HSPA12A: variants seen among roughly 807,000 people sequenced by gnomAD.
HSPA12A encodes the protein heat shock 70 kDa protein 12A.
In HSPA12A, 28 loss-of-function variants were observed where a neutral mutation model predicts 69.2. The ratio of observed to expected loss-of-function variants is 0.40; its 90% confidence interval spans 0.30 to 0.55. The LOEUF (loss-of-function observed/expected upper bound fraction) is 0.55. Among genes scored for constraint, HSPA12A ranks in the 20% least tolerant of loss-of-function variants. HSPA12A has a pLI of 0.38. For synonymous variants in HSPA12A, 345 were observed against 370.5 expected, an observed-to-expected ratio of 0.93 and a Z score of 0.79; for missense variants, 686 against 900.7, an observed-to-expected ratio of 0.76 and a Z score of 3.05.
chr10:116,735,869 C>A (rs1851301353), intron 1 of HSPA12A, among the ~76,000 whole-genome samples: 1 of 150,498 alleles, frequency 6.6e-6, no homozygotes, highest in Non-Finnish European at 1.5e-5. Context: ...TGGAGATGTG[C>A]ACCTTTAGTC....
chr10:116,754,004 G>T (rs1202747235), intron 2 of HSPA12A, among the ~76,000 whole-genome samples: 3 of 152,220 alleles, frequency 2.0e-5, no homozygotes, highest in African/African-American at 7.2e-5. Context: ...TCATGCCAGG[G>T]CAGGAGCAGC....
chr10:116,718,916 G>A (rs1005349219), intron 1 of HSPA12A, among the ~76,000 whole-genome samples: 2 of 152,022 alleles, frequency 1.3e-5, no homozygotes, highest in African/African-American at 2.4e-5. Flanking sequence ...GGTGTGGGGT[G>A]AGAACTAGAA....
chr10:116,771,309 G>A (rs1161985186), intron 2 of HSPA12A, among the ~76,000 whole-genome samples: 1 of 152,252 alleles, frequency 6.6e-6, no homozygotes, highest in Non-Finnish European at 1.5e-5. Context: ...AGCAGCCGCT[G>A]GCTGTGGAGG....
intron 1 of HSPA12A, among the ~76,000 whole-genome samples, chr10:116,716,429 G>A (rs938246827): frequency 4.8e-5 from 7 of 146,524 alleles, no homozygotes; most frequent in East Asian, 2.2e-4. Context: ...GAGTCCTCCC[G>A]AAAGGCAGGT....
intron 9 of HSPA12A, among the ~76,000 whole-genome samples, chr10:116,680,116 G>A (rs1306675498): frequency 6.6e-6 from 1 of 151,980 alleles, no homozygotes; most frequent in Non-Finnish European, 1.5e-5. Flanking sequence ...TCAGCCTCCC[G>A]AGTAGCTGAG....
At chr10:116,707,579 G>A (rs550007374) in intron 1 of HSPA12A, among the ~76,000 whole-genome samples, 4 of 152,342 alleles carry the variant, frequency 2.6e-5, no homozygotes, top group South Asian at 2.1e-4. Context: ...GTCAGTCCCC[G>A]AAAGCTCCGC....
intron 4 of HSPA12A, 30 bp downstream of exon 4, chr10:116,700,913 G>T (rs533747145): frequency 1.4e-5 from 23 of 1,605,440 alleles, no homozygotes; most frequent in Non-Finnish European, 1.8e-5. Context: ...CATTGCGGGG[G>T]ACCTGGGCCC....
At chr10:116,773,914 A>C (rs546240694) in intron 2 of HSPA12A, among the ~76,000 whole-genome samples, 3 of 152,260 alleles carry the variant, frequency 2.0e-5, no homozygotes, top group Non-Finnish European at 2.9e-5. Flanking sequence ...TAACTATGCC[A>C]CCATTCAGCT....
chr10:116,749,197 G>A (rs1554888075), intron 2 of HSPA12A, among the ~76,000 whole-genome samples: 1 of 152,198 alleles, frequency 6.6e-6, no homozygotes, highest in Non-Finnish European at 1.5e-5. Context: ...CCATAGCCCA[G>A]TGCCGAATGA....
At chr10:116,697,158 C>G (rs1201659178) in intron 5 of HSPA12A, among the ~76,000 whole-genome samples, 2 of 152,158 alleles carry the variant, frequency 1.3e-5, no homozygotes, top group Non-Finnish European at 2.9e-5. Flanking sequence ...TCTTTGTCTC[C>G]CTCTGACCCT....
intron 1 of HSPA12A, among the ~76,000 whole-genome samples, chr10:116,716,366 TG>T (rs1464185252): frequency 6.7e-6 from 1 of 150,194 alleles, no homozygotes; most frequent in Admixed American, 6.7e-5. Context: ...ACAGGAATGG[TG>T]AGCTGAAATG....
intron 2 of HSPA12A, among the ~76,000 whole-genome samples, chr10:116,814,530 G>A (rs1463716835): frequency 1.1e-4 from 17 of 152,194 alleles, no homozygotes; most frequent in Non-Finnish European, 4.4e-5. Flanking sequence ...CCAATAATGG[G>A]TTTGAACATT....
chr10:116,687,233 C>T (rs1554879645), intron 6 of HSPA12A, among the ~76,000 whole-genome samples: 1 of 152,184 alleles, frequency 6.6e-6, no homozygotes, highest in Non-Finnish European at 1.5e-5. Context: ...ACAGCAAAAG[C>T]TTTGGCCTGT....
At chr10:116,676,812 C>T (rs1849251619) in intron 10 of HSPA12A, among the ~76,000 whole-genome samples, 1 of 152,210 alleles carries the variant, frequency 6.6e-6, no homozygotes, top group Non-Finnish European at 1.5e-5. Flanking sequence ...TTCGCAGGAC[C>T]ACACTTTGAA....
At chr10:116,850,042 T>G, upstream of HSPA12A, 47 of 498,982 alleles carry the variant, frequency 9.4e-5, no homozygotes, top group Middle Eastern at 3.0e-4. Flanking sequence ...TCTCCGTTTG[T>G]GGGCCGGCCC....
chr10:116,684,055 C>T (rs1333356312), intron 6 of HSPA12A, 93 bp from the exon 7 acceptor site: 46 of 1,059,178 alleles, frequency 4.3e-5, no homozygotes, highest in South Asian at 2.5e-4. Context: ...CTAAGGAGGG[C>T]GCACTCGTGC....
In HSPA12A at chr10:116,676,517, C is replaced by T. The variant is rs1554877736; in HGVS notation, c.1287-15G>A. 1.9e-6 allele frequency: 3 copies of T among 1,601,744 alleles called. No homozygotes were observed. The highest frequency in any genetic ancestry group is 4.5e-5 in the East Asian group (2 of 44,790). ...CAAAATCCACACTGCAGGAGCATAG[C>T]ATGGAGAAGAGCAGGCAGTGAGGGT... On this transcript the variant is annotated splice_polypyrimidine_tract_variant and intron_variant, in intron 10 of 11. Coordinates refer to ENST00000369209, the MANE Select transcript of HSPA12A (RefSeq NM_025015.3).
chr10:116,710,256 C>T lies in HSPA12A; in HGVS notation c.41-2971G>A, dbSNP rs1228079113. The stretch of plus-strand genomic sequence containing the variant: ...TACCTGGAAGGCCTGCGCCATGTGT[C>T]CACATTTGCACAGACGGTCCTGAAA... On this transcript the variant is annotated intron_variant, in intron 1 of 11. Transcript: ENST00000369209. The surrounding 1 kb of genome is among the most constrained non-coding windows in gnomAD (Gnocchi z 4.1). 6.6e-6 allele frequency among the ~76,000 whole-genome samples: 1 copy of T among 152,222 alleles called. No homozygotes were observed. Among genetic ancestry groups the T allele is most frequent in the African/African-American group, 2.4e-5 (1 of 41,470 alleles).
At chr10:116,820,802 C>T (rs1845398667) in intron 2 of HSPA12A, among the ~76,000 whole-genome samples, 1 of 152,060 alleles carries the variant, frequency 6.6e-6, no homozygotes, top group African/African-American at 2.4e-5. Flanking sequence ...CACTTGCAGT[C>T]TAACAGGTAA....
Sources: gnomAD v4.1 joint callset for allele counts (sites outside exome capture counted in the v4.1 genomes callset) on GRCh38, gnomAD v4.1.1 for gene constraint, Gnocchi (gnomAD v3.1) non-coding constraint, MANE v1.5 for transcripts, NCBI Gene and HGNC (gene_info 2026-07-23, HGNC 2026-07-21) for gene names.